TPRG1: variants seen among roughly 807,000 people sequenced by gnomAD.
TPRG1 encodes tumor protein p63 regulated 1, also known as tumor protein p63-regulated gene 1 protein.
A neutral mutation model predicts 29.3 loss-of-function variants in TPRG1; 29 were observed. The observed-to-expected ratio is 0.99, with a 90% confidence interval of 0.74 to 1.35. The LOEUF (loss-of-function observed/expected upper bound fraction) is 1.35. Ranked by LOEUF, TPRG1 falls within the 40% of genes most tolerant of loss-of-function variation. The pLI is 0.00. For synonymous variants in TPRG1, 130 were observed against 116.8 expected, an observed-to-expected ratio of 1.11 and a Z score of -0.73; for missense variants, 327 against 335.0, an observed-to-expected ratio of 0.98 and a Z score of 0.19.
chr3:189,116,246 C>T (rs1215101838), intron 1 of TPRG1, among the ~76,000 whole-genome samples: 1 of 152,110 alleles, frequency 6.6e-6, no homozygotes, highest in Non-Finnish European at 1.5e-5. Flanking sequence ...GGCGTGATCT[C>T]GGCCTACTGC....
At chr3:189,123,549 C>A (rs982020273) in intron 1 of TPRG1, 5 of 152,216 alleles carry the variant, frequency 3.3e-5, no homozygotes, top group Admixed American at 2.0e-4. Flanking sequence ...AAAATGCTTT[C>A]TCTTCCTCTC....
chr3:189,148,577 G>T (rs887051656), intron 4 of TPRG1, among the ~76,000 whole-genome samples: 1 of 152,174 alleles, frequency 6.6e-6, no homozygotes, highest in African/African-American at 2.4e-5. Flanking sequence ...GTTCAGCCTG[G>T]CTGGTAAGTA....
chr3:189,117,646 C>T (rs1488334732), intron 1 of TPRG1, among the ~76,000 whole-genome samples: 3 of 152,106 alleles, frequency 2.0e-5, no homozygotes, highest in South Asian at 2.1e-4. Flanking sequence ...GAGTAGTTTC[C>T]CACATGCTGT....
intron 3 of TPRG1, among the ~76,000 whole-genome samples, chr3:189,232,499 AGTT>A (rs1738822372): frequency 6.6e-6 from 1 of 152,196 alleles, no homozygotes; most frequent in African/African-American, 2.4e-5. Context: ...TGTGGGCTTG[AGTT>A]ACCATTGTCA....
chr3:189,076,629 C>T (rs1264527252), intron 4 of TPRG1, among the ~76,000 whole-genome samples: 4 of 151,582 alleles, frequency 2.6e-5, no homozygotes, highest in African/African-American at 9.7e-5. Flanking sequence ...ATATGGAACA[C>T]TGTTGTTAAG....
chr3:189,301,149 A>T (rs373720963), intron 4 of TPRG1, among the ~76,000 whole-genome samples: 5 of 151,870 alleles, frequency 3.3e-5, no homozygotes, highest in Non-Finnish European at 5.9e-5. Flanking sequence ...TACAAAAAAA[A>T]TTAGCCAGAC....
intron 1 of TPRG1, among the ~76,000 whole-genome samples, chr3:189,204,037 CAAAAAAAAAA>C (rs35367828): frequency 0.24 from 21,587 of 88,552 alleles, 1,717 homozygotes; most frequent in Middle Eastern, 0.36. Context: ...GAGACTGTCT[CAAAAAAAAAA>C]AAAAAAAAAA....
chr3:189,189,738 T>C (rs921325894), intron 1 of TPRG1, among the ~76,000 whole-genome samples: 14 of 152,206 alleles, frequency 9.2e-5, no homozygotes, highest in Non-Finnish European at 2.1e-4. Context: ...ATGAGGCCTC[T>C]CCTAAATTGA....
chr3:189,056,261 AATTTT>A (rs1346399124), intron 4 of TPRG1, among the ~76,000 whole-genome samples: 1 of 151,848 alleles, frequency 6.6e-6, no homozygotes, highest in African/African-American at 2.4e-5. Flanking sequence ...ATGCCCAGCT[AATTTT>A]TGTATTTTCA....
Position 189,108,530 on chromosome 3 carries a change from G to A in TPRG1, c.-744+8326G>A, listed in dbSNP as rs1025582880. ...TTCCATAAATTTTATTTTTTAGAAC[G>A]TGTTTTTTTTTTTTTCGCCTCGGAA... On this transcript the variant is annotated intron_variant, in intron 1 of 6. Coordinates refer to the TPRG1 transcript ENST00000412373. Among the ~76,000 whole-genome samples, 13 of 146,666 alleles carry A rather than the reference G, an allele frequency of 8.9e-5. 1 individual carries two copies. Among genetic ancestry groups the A allele is most frequent in the Non-Finnish European group, 1.5e-4 (10 of 67,544 alleles).
At chr3:189,177,185 A>T (rs181162173) in intron 1 of TPRG1, among the ~76,000 whole-genome samples, 1 of 152,320 alleles carries the variant, frequency 6.6e-6, no homozygotes, top group Admixed American at 6.5e-5. Flanking sequence ...TAAGTCAAGT[A>T]TAACACCACA....
At chr3:189,154,456 T>G (rs947927880) in intron 5 of TPRG1, among the ~76,000 whole-genome samples, 49 of 152,168 alleles carry the variant, frequency 3.2e-4, no homozygotes, top group African/African-American at 1.1e-3. Flanking sequence ...TTTTTTTTTT[T>G]TTTGACATGG....
chr3:189,150,086 G>A (rs1183248923), intron 4 of TPRG1, among the ~76,000 whole-genome samples: 2 of 152,192 alleles, frequency 1.3e-5, no homozygotes, highest in African/African-American at 4.8e-5. Flanking sequence ...AGTTGGGGCT[G>A]TTCTATGTTT....
intron 4 of TPRG1, among the ~76,000 whole-genome samples, chr3:189,085,743 T>C (rs1382721271): frequency 6.6e-6 from 1 of 152,206 alleles, no homozygotes; most frequent in Non-Finnish European, 1.5e-5. Flanking sequence ...ATAAGTGATC[T>C]GATCCATAAT....
At chr3:189,123,605 A>G (rs1041514278) in intron 1 of TPRG1, 2 of 152,246 alleles carry the variant, frequency 1.3e-5, no homozygotes, top group African/African-American at 2.4e-5. Context: ...GAAATTGCTC[A>G]TCAAGGAAAA....
At chr3:189,229,489 G>C (rs542449427) in intron 3 of TPRG1, among the ~76,000 whole-genome samples, 1 of 152,256 alleles carries the variant, frequency 6.6e-6, no homozygotes, top group East Asian at 1.9e-4. Flanking sequence ...TCTCTATCTT[G>C]GGAATCTGAA....
In TPRG1 at chr3:189,001,158, C is replaced by T. The variant is rs563895039; in HGVS notation, c.-878+247C>T. ...GGAGAATGTTAACAACATGAAACAT[C>T]AAATCTCCCCAACCAGAGACATGTA... On this transcript the variant is annotated intron_variant, in intron 2 of 10. Coordinates refer to the TPRG1 transcript ENST00000433971. Among the ~76,000 whole-genome samples, 3 of 152,234 alleles carry T rather than the reference C, an allele frequency of 2.0e-5. No homozygotes were observed. The South Asian group carries it at 6.2e-4, about 32-fold the overall frequency.
intron 1 of TPRG1, among the ~76,000 whole-genome samples, chr3:189,120,070 C>A (rs1721648311): frequency 1.3e-5 from 2 of 152,190 alleles, no homozygotes; most frequent in African/African-American, 2.4e-5. Context: ...GTGCCCCAAA[C>A]TAAAACATAC....
chr3:189,005,342 T>C (rs1712233303), intron 3 of TPRG1, among the ~76,000 whole-genome samples: 1 of 152,142 alleles, frequency 6.6e-6, no homozygotes, highest in South Asian at 2.1e-4. Flanking sequence ...ACTGATTTTC[T>C]AGTGGAACAG....
Sources: allele counts gnomAD v4.1 joint callset (sites outside exome capture counted in the v4.1 genomes callset), GRCh38; gene constraint gnomAD v4.1.1; transcripts MANE v1.5; gene names NCBI Gene and HGNC (gene_info 2026-07-23, HGNC 2026-07-21).